LNX1: variants seen among roughly 807,000 people sequenced by gnomAD.
LNX1 encodes ligand of numb-protein X 1.
LNX1 carries 54 observed loss-of-function variants against 68.4 expected under a neutral mutation model. The ratio of observed to expected loss-of-function variants is 0.79; its 90% CI spans 0.63 to 0.99. The LOEUF is 0.99. LNX1 is among the 50% of genes least tolerant of loss of function. The pLI is 0.00. For synonymous variants in LNX1, 336 were observed against 350.0 expected, an observed-to-expected ratio of 0.96 and a Z score of 0.45; for missense variants, 906 against 926.4, an observed-to-expected ratio of 0.98 and a Z score of 0.29.
At position 53,573,772 on chromosome 4, in the gene LNX1, C is replaced by T. The variant is rs1482629029; in HGVS notation, c.231G>A (p.Met77Ile). ...GCTGCAGAACCAGAGGCTTGCGGTC[C>T]ATGGGACAGAAGTCCTTCTCCACCA... ...NFLVEKDFCPMDRKPLVLQHC... is the reference protein window; with the variant it reads ...NFLVEKDFCPIDRKPLVLQHC... The change falls in exon 2 of 11, where the codon ATG (methionine) becomes ATA (isoleucine). Residue 77 changes from methionine to isoleucine, a missense_variant. Met to Ile is a conservative substitution (Grantham distance 10). Transcript: ENST00000263925. The T allele has an allele frequency of 1.1e-5, 17 of 1,611,956 alleles. No homozygotes were observed. Among genetic ancestry groups the T allele is most frequent in the Non-Finnish European group, 1.4e-5 (17 of 1,179,114 alleles).
At chr4:53,523,612 T>C (rs980632517) in intron 2 of LNX1, among the ~76,000 whole-genome samples, 7 of 152,170 alleles carry the variant, frequency 4.6e-5, no homozygotes, top group African/African-American at 9.7e-5. Flanking sequence ...TTATATGATA[T>C]GCACATCTCA....
chr4:53,602,838 C>G (rs1331157294), intron 2 of LNX1: 1 of 152,196 alleles, frequency 6.6e-6, no homozygotes, highest in East Asian at 1.9e-4. Context: ...TATTTTAAAA[C>G]AAGCCAAATA....
chr4:53,637,862 C>T (rs1452683141), intron 1 of LNX1, among the ~76,000 whole-genome samples: 1 of 152,214 alleles, frequency 6.6e-6, no homozygotes, highest in East Asian at 1.9e-4. Flanking sequence ...TAGACCACCA[C>T]TCAAAGTCGC....
At chr4:53,597,592 C>G (rs1732807861) in intron 2 of LNX1, among the ~76,000 whole-genome samples, 1 of 152,168 alleles carries the variant, frequency 6.6e-6, no homozygotes, top group Non-Finnish European at 1.5e-5. Context: ...ACCTCTCTTT[C>G]CTGTCTTGAA....
intron 1 of LNX1, among the ~76,000 whole-genome samples, chr4:53,579,880 G>A (rs774623288): frequency 5.3e-5 from 8 of 152,164 alleles, no homozygotes; most frequent in Admixed American, 1.3e-4. Flanking sequence ...ATAATTTTAC[G>A]TGTTCTTCCC....
chr4:53,568,103 T>C (rs1196395494), intron 2 of LNX1, among the ~76,000 whole-genome samples: 1 of 152,108 alleles, frequency 6.6e-6, no homozygotes, highest in South Asian at 2.1e-4. Flanking sequence ...CTGAAACTAT[T>C]CCAATTGATA....
At chr4:53,511,297 G>A (rs1726317361) in intron 2 of LNX1, among the ~76,000 whole-genome samples, 1 of 152,200 alleles carries the variant, frequency 6.6e-6, no homozygotes, top group South Asian at 2.1e-4. Flanking sequence ...TAATACTGGG[G>A]CAGCTTGATT....
chr4:53,493,356 G>C (rs1014532271), intron 6 of LNX1, among the ~76,000 whole-genome samples: 1 of 152,238 alleles, frequency 6.6e-6, no homozygotes, highest in Non-Finnish European at 1.5e-5. Context: ...GCATCCATGG[G>C]GGCCGAGAAC....
At chr4:53,583,932 AAACAACAACAAC>A (rs57272023) in intron 1 of LNX1, among the ~76,000 whole-genome samples, 11,725 of 149,836 alleles carry the variant, frequency 0.078, 572 homozygotes, top group Non-Finnish European at 0.12. Context: ...GACCCCCTGC[AAACAACAACAAC>A]AACAACAACA....
intron 2 of LNX1, among the ~76,000 whole-genome samples, chr4:53,603,120 A>G (rs1181324661): frequency 6.6e-6 from 1 of 152,244 alleles, no homozygotes; most frequent in Admixed American, 6.5e-5. Context: ...GCAGTTTTCC[A>G]GGATCCAGAG....
At chr4:53,540,681 A>C (rs529547710) in intron 2 of LNX1, among the ~76,000 whole-genome samples, 1 of 151,466 alleles carries the variant, frequency 6.6e-6, no homozygotes, top group East Asian at 2.0e-4. Context: ...GCTCTGTCTC[A>C]AAAAACAAAA....
intron 6 of LNX1, among the ~76,000 whole-genome samples, chr4:53,484,158 A>C (rs1724133226): frequency 6.6e-6 from 1 of 152,154 alleles, no homozygotes; most frequent in Admixed American, 6.5e-5. Context: ...AACTGTGAGA[A>C]ATAAATTTAT....
chr4:53,516,640 G>T (rs909822018), intron 2 of LNX1, among the ~76,000 whole-genome samples: 11 of 152,300 alleles, frequency 7.2e-5, no homozygotes, highest in African/African-American at 2.6e-4. Context: ...TGCCAGGAAT[G>T]GTAGATTCTG....
At chr4:53,570,982 G>A (rs1469616032) in intron 2 of LNX1, among the ~76,000 whole-genome samples, 5 of 151,018 alleles carry the variant, frequency 3.3e-5, no homozygotes, top group East Asian at 2.0e-4. Context: ...AGCAGAGATC[G>A]CGCCACTGCA....
chr4:53,475,244 A>G (rs1723488371), intron 9 of LNX1, among the ~76,000 whole-genome samples: 1 of 152,264 alleles, frequency 6.6e-6, no homozygotes, highest in Non-Finnish European at 1.5e-5. Flanking sequence ...GCTTTCAAAC[A>G]CAAAAAACAA....
At chr4:53,593,524 T>G (rs1388143035), upstream of LNX1, among the ~76,000 whole-genome samples, 1 of 152,042 alleles carries the variant, frequency 6.6e-6, no homozygotes. Flanking sequence ...AATAGAGAAA[T>G]AAGAGTTAAT....
At chr4:53,557,781 A>ATTCCTCT (rs59900244) in intron 2 of LNX1, 176,975 of 1,472,528 alleles carry the variant, frequency 0.12, 13,609 homozygotes, top group African/African-American at 0.36. Flanking sequence ...TGTGGAATTT[A>ATTCCTCT]AAATGGATAT....
chr4:53,597,047 A>T (rs1367176094), intron 2 of LNX1, among the ~76,000 whole-genome samples: 1 of 152,176 alleles, frequency 6.6e-6, no homozygotes, highest in African/African-American at 2.4e-5. Flanking sequence ...GTTTCACTTT[A>T]GGTCCATCTA....
intron 2 of LNX1, among the ~76,000 whole-genome samples, chr4:53,614,481 C>T (rs921396863): frequency 3.3e-5 from 5 of 152,284 alleles, no homozygotes; most frequent in African/African-American, 1.2e-4. Context: ...CCTTTCTAGG[C>T]AAAGCAAATT....
Sources: allele counts gnomAD v4.1 joint callset (sites outside exome capture counted in the v4.1 genomes callset), GRCh38; gene constraint gnomAD v4.1.1; transcripts MANE v1.5; gene names NCBI Gene and HGNC (gene_info 2026-07-23, HGNC 2026-07-21).